ZFYVE16: variants seen among roughly 807,000 people sequenced by gnomAD.
ZFYVE16 encodes the protein zinc finger FYVE-type containing 16, also known as zinc finger FYVE domain-containing protein 16.
In ZFYVE16, 89 loss-of-function variants were observed where a neutral mutation model predicts 138.1. The ratio of observed to expected loss-of-function variants is 0.64; its 90% CI spans 0.54 to 0.77. The LOEUF is 0.77. Among genes scored for constraint, ZFYVE16 ranks in the 30% least tolerant of loss-of-function variants. The probability of loss-of-function intolerance (pLI) is 0.00; values close to 1 mark genes in which losing one functional copy is unlikely to be tolerated. For synonymous variants in ZFYVE16, 596 were observed against 618.3 expected (o/e 0.96, Z 0.53); for missense variants, 1,793 against 1,786.7 (o/e 1.00, Z -0.06).
At chr5:80,424,318 A>G (rs571638043) in intron 1 of ZFYVE16, among the ~76,000 whole-genome samples, 2 of 152,202 alleles carry the variant, frequency 1.3e-5, no homozygotes, top group South Asian at 4.1e-4. Context: ...ATCAGGTTCC[A>G]TGACCTTTTT....
rs1580378286 is a variant in ZFYVE16, at chr5:80,474,815, C to T, written c.4446C>T (p.Ser1482=). Residue 1482 remains serine, a synonymous_variant, in exon 18 of 19, where the codon TCC becomes TCT. Coordinates refer to ENST00000505560, the MANE Select transcript of ZFYVE16 (RefSeq NM_001284236.3). ...TGAATAAAATTGGACTCAGAGTTTCCATTGACACTGATATGGTGAGGCATG... is the reference window on the plus strand; with the variant it reads ...TGAATAAAATTGGACTCAGAGTTTCTATTGACACTGATATGGTGAGGCATG... The part of the protein sequence containing the change: ...NGMNKIGLRV[S]IDTDMVEFQA... 3 of 1,612,082 alleles carry T rather than the reference C, an allele frequency of 1.9e-6. No individual in the cohort carries two copies. The highest frequency in any genetic ancestry group is 2.2e-5 in the East Asian group (1 of 44,862).
At chr5:80,421,967 TTTG>T (rs548827997) in intron 1 of ZFYVE16, among the ~76,000 whole-genome samples, 2 of 152,332 alleles carry the variant, frequency 1.3e-5, no homozygotes, top group African/African-American at 4.8e-5. Flanking sequence ...CCTCTTTTAT[TTTG>T]TTAAGCAGTG....
intron 14 of ZFYVE16, among the ~76,000 whole-genome samples, chr5:80,458,991 C>T (rs775356919): frequency 3.3e-5 from 5 of 152,266 alleles, no homozygotes; most frequent in East Asian, 3.9e-4. Context: ...AGTGCAGTGG[C>T]GCGATCTTGG....
chr5:80,463,311 C>A (rs570191394), intron 15 of ZFYVE16, among the ~76,000 whole-genome samples: 2 of 152,318 alleles, frequency 1.3e-5, no homozygotes, highest in African/African-American at 4.8e-5. Flanking sequence ...GACTTCTGTA[C>A]ACCTGTAGGC....
intron 8 of ZFYVE16, among the ~76,000 whole-genome samples, chr5:80,448,734 A>G (rs897638047): frequency 6.6e-6 from 1 of 152,128 alleles, no homozygotes; most frequent in Non-Finnish European, 1.5e-5. Flanking sequence ...CATGATACCT[A>G]AAGAAAAGAG....
chr5:80,443,728 A>T (rs938642117), intron 6 of ZFYVE16: 7 of 456,370 alleles, frequency 1.5e-5, no homozygotes, highest in African/African-American at 1.4e-4. Flanking sequence ...TGCTGCAAAG[A>T]TCCTGGCAGG....
intron 7 of ZFYVE16, among the ~76,000 whole-genome samples, chr5:80,447,740 A>C (rs985570510): frequency 2.0e-5 from 3 of 152,118 alleles, no homozygotes; most frequent in Non-Finnish European, 4.4e-5. Flanking sequence ...GGGATCTTGA[A>C]GTTCTTCTTG....
In ZFYVE16 at chr5:80,481,290, G is replaced by C. The variant is rs568921794; in HGVS notation, c.*3913G>C. Among the ~76,000 whole-genome samples, 20 of 152,290 alleles carry C rather than the reference G, an allele frequency of 1.3e-4. No homozygotes were observed. Among genetic ancestry groups the C allele is most frequent in the African/African-American group, 4.6e-4 (19 of 41,552 alleles). On this transcript the variant is annotated 3_prime_UTR_variant, in exon 19 of 19. Transcript: ENST00000505560. ...TTTCTAGCCAAAAACCAAGAATGGG[G>C]TTCTAGAAACCAGAGTATAGGTAAG... is the stretch of plus-strand genomic sequence containing the variant.
chr5:80,418,936 T>C (rs1420507235), intron 1 of ZFYVE16, among the ~76,000 whole-genome samples: 9 of 152,174 alleles, frequency 5.9e-5, no homozygotes, highest in Admixed American at 5.9e-4. Flanking sequence ...TGTTTTTATA[T>C]AAGGTGTAAT....
At chr5:80,473,966 C>G (rs1754642654) in intron 17 of ZFYVE16, 107 bp downstream of exon 17, 2 of 758,158 alleles carry the variant, frequency 2.6e-6, no homozygotes, top group South Asian at 3.7e-5. Context: ...GCTTATTATA[C>G]TTTTTATGCT....
At chr5:80,414,953 T>TAAA (rs1362762567) in intron 1 of ZFYVE16, among the ~76,000 whole-genome samples, 1 of 152,212 alleles carries the variant, frequency 6.6e-6, no homozygotes, top group Non-Finnish European at 1.5e-5. Flanking sequence ...TAAGAGTTTT[T>TAAA]CATTCATGTG....
intron 5 of ZFYVE16, 148 bp from the exon 6 acceptor site, chr5:80,442,975 A>G (rs1054881265): frequency 2.9e-5 from 21 of 719,960 alleles, no homozygotes; most frequent in Middle Eastern, 8.2e-4. Context: ...CTCAGACAGT[A>G]TCTTTGCCAA....
chr5:80,413,506 A>G (rs1044212379), intron 1 of ZFYVE16, among the ~76,000 whole-genome samples: 1 of 151,404 alleles, frequency 6.6e-6, no homozygotes, highest in Non-Finnish European at 1.5e-5. Flanking sequence ...AGAGAAAAAC[A>G]ACAATCTTCT....
At position 80,437,470 on chromosome 5, in the gene ZFYVE16, T is replaced by C. The variant is rs1750095712; in HGVS notation, c.785T>C (p.Leu262Pro). 6.2e-7 allele frequency: 1 copy of C among 1,606,950 alleles called. No individual in the cohort carries two copies. Among genetic ancestry groups the C allele is most frequent in the African/African-American group, 1.3e-5 (1 of 74,466 alleles). ...SSKMFHAKDK[L>P]QHKSQPCGLL... is the part of the protein sequence containing the mutation. ...AAAATGTTTCATGCCAAAGACAAGC[T>C]ACAACACAAGAGCCAGCCATGTGGA... is the stretch of plus-strand genomic sequence containing the variant. The change falls in exon 4 of 19, where the codon CTA becomes CCA. Residue 262 changes from leucine to proline, a missense_variant. By Grantham distance (98) the Leu-to-Pro change is moderately conservative (BLOSUM62 -3). This residue lies in a region of ZFYVE16 where 1,295 missense variants were observed against 1,204.3 expected (regional missense o/e 1.08). Coordinates refer to ENST00000505560, the MANE Select transcript of ZFYVE16 (RefSeq NM_001284236.3).
At position 80,455,592 on chromosome 5, in the gene ZFYVE16, T is replaced by C. The variant is rs576114052; in HGVS notation, c.3608-100T>C. 2.3e-5 allele frequency: 22 copies of C among 939,660 alleles called. No individual in the cohort carries two copies. In the South Asian group the frequency reaches 3.1e-4, roughly 13 times the overall value. 58.2% of individuals were successfully genotyped at this position (939,660 alleles called of 1,614,324 possible). On this transcript the variant is annotated intron_variant, in intron 11 of 18. Coordinates refer to ENST00000505560, the MANE Select transcript of ZFYVE16 (RefSeq NM_001284236.3). ...CTAAGAACTGATTGAGTGATATTTA[T>C]ACATAATGTTTGTTTGTAAAATGAG...
intron 1 of ZFYVE16, among the ~76,000 whole-genome samples, chr5:80,426,201 GGTGTGTGTGTGT>G (rs67789869): frequency 1.8e-4 from 25 of 139,682 alleles, no homozygotes; most frequent in South Asian, 4.5e-4. Context: ...GTGTGTGTGT[GGTGTGTGTGTGT>G]GTGTGTGTGT....
At position 80,479,156 on chromosome 5, in the gene ZFYVE16, A is replaced by G. The variant is rs912233975; in HGVS notation, c.*1779A>G. ...ATTTTGAAGTATTCTTTGTAGACAT[A>G]TAGTATGTTTCTGAATGTGTTTGTT... On this transcript the variant is annotated 3_prime_UTR_variant, in exon 19 of 19. Coordinates refer to ENST00000505560, the MANE Select transcript of ZFYVE16 (RefSeq NM_001284236.3). 6.6e-6 allele frequency: 1 copy of G among 152,128 alleles called. No homozygotes were observed. Among genetic ancestry groups the G allele is most frequent in the African/African-American group, 2.4e-5 (1 of 41,428 alleles). The allele number at this position is 152,128 out of a possible 1,614,324, so 9.4% of individuals were successfully genotyped here.
rs757811583 is a variant in ZFYVE16 at position 80,477,268 on chromosome 5, T to G, written c.4511T>G (p.Leu1504Arg). The G allele has an allele frequency of 1.9e-5, 30 of 1,607,226 alleles. No homozygotes were observed. Among genetic ancestry groups the G allele is most frequent in the Non-Finnish European group, 2.0e-5 (24 of 1,178,158 alleles). ...SEGQLLPQHY[L>R]NDLDSALIPV... ...GGCCAACTTCTGCCTCAGCATTATC[T>G]AAATGATCTTGATAGTGCTCTGATA... Residue 1504 changes from leucine to arginine, a missense_variant, in exon 19 of 19, where the codon CTA (leucine) becomes CGA (arginine). By Grantham distance (102) the Leu-to-Arg change is moderately radical. Coordinates refer to ENST00000505560, the MANE Select transcript of ZFYVE16 (RefSeq NM_001284236.3).
chr5:80,459,752 A>G (rs1282776537), intron 15 of ZFYVE16, among the ~76,000 whole-genome samples: 1 of 152,176 alleles, frequency 6.6e-6, no homozygotes, highest in Non-Finnish European at 1.5e-5. Flanking sequence ...ATCTGCCTAA[A>G]CAACATATTG....
Sources: gnomAD v4.1 joint callset for allele counts (sites outside exome capture counted in the v4.1 genomes callset) on GRCh38, gnomAD v4.1.1 for gene constraint, gnomAD v4.1.1 regional missense constraint, MANE v1.5 for transcripts, NCBI Gene and HGNC (gene_info 2026-07-23, HGNC 2026-07-21) for gene names.